The following SBSN variants were observed in gnomAD, a reference collection of about 807,000 sequenced individuals.
SBSN encodes suprabasin, also known as HLAR698.
In SBSN, 33 loss-of-function variants were observed where a neutral mutation model predicts 42.8. The ratio of observed to expected loss-of-function variants is 0.77; its 90% CI spans 0.58 to 1.03. The LOEUF (loss-of-function observed/expected upper bound fraction) is 1.03, where lower values mean the gene tolerates loss of function less well. Ranked by LOEUF, SBSN falls within the 50% of genes least tolerant of loss-of-function variation. SBSN has a pLI of 0.00. For synonymous variants in SBSN, 276 were observed against 307.0 expected (o/e 0.90, Z 1.06); for missense variants, 646 against 757.3 (o/e 0.85, Z 1.72).
rs1171944328 is a variant in SBSN, at chr19:35,526,688, T to A, written c.1594A>T (p.Asn532Tyr). The A allele has an allele frequency of 6.5e-7, 1 of 1,539,664 alleles. No individual in the cohort carries two copies. Among genetic ancestry groups the A allele is most frequent in the African/African-American group, 1.4e-5 (1 of 72,010 alleles). The stretch of plus-strand genomic sequence containing the variant: ...TCCTTGCTGGCTTGGTTGACCCCAT[T>A]ATGAGCATTCTGCAGCTCCTTCCCG... ...QAGKELQNAH[N>Y]GVNQASKEAN... Residue 532 changes from asparagine (N) to tyrosine (Y), a missense_variant, in exon 1 of 4, where the codon AAT (asparagine) becomes TAT (tyrosine). Asn to Tyr is a moderately radical substitution (Grantham distance 143, BLOSUM62 -2). Around this residue, in one of 3 missense-constraint regions of SBSN, gnomAD observed 236 missense variants for 225.6 expected, o/e 1.05. Transcript: ENST00000452271.
intron 3 of SBSN, 91 bp downstream of exon 3, chr19:35,524,620 G>A (rs568670376): frequency 3.0e-5 from 43 of 1,420,192 alleles, no homozygotes; most frequent in African/African-American, 5.6e-5. Flanking sequence ...CTGCCCGCCC[G>A]GGGAGCTGTC....
At chr19:35,525,344 A>C (rs2071358151) in intron 1 of SBSN, among the ~76,000 whole-genome samples, 1 of 151,934 alleles carries the variant, frequency 6.6e-6, no homozygotes, top group Admixed American at 6.6e-5. Context: ...CATGCACCCC[A>C]GCAGTGCCCC....
rs774871425 is a variant in SBSN, at chr19:35,528,169, C to T, written c.113G>A (p.Arg38Gln). The T allele has an allele frequency of 1.4e-5, 22 of 1,613,976 alleles. No individual in the cohort carries two copies. The Admixed American group carries it at 2.0e-4, about 15-fold the overall frequency. Residue 38 changes from arginine (R) to glutamine (Q), a missense_variant, in exon 1 of 4, where the codon CGA becomes CAA. This residue lies in a region of SBSN where 190 missense variants were observed against 197.1 expected (regional missense o/e 0.96). Coordinates refer to ENST00000452271, the MANE Select transcript of SBSN (RefSeq NM_001166034.2). ...CTCTCTCTCTGCATTGCTCAGCCCT[C>T]GGTTGATCCCTTCAATGACCTTCTC... ...PIEKVIEGINRGLSNAEREVG... is the reference protein window; with the variant it reads ...PIEKVIEGINQGLSNAEREVG...
rs1332693374 is a variant in SBSN at position 35,527,153 on chromosome 19, TA to T, written c.1128del (p.Asn377MetfsTer63). 1 of 1,532,858 alleles carries T rather than the reference TA, an allele frequency of 6.5e-7. No individual in the cohort carries two copies. Among genetic ancestry groups the T allele is most frequent in the Admixed American group, 2.0e-5 (1 of 50,456 alleles). The allele number at this position is 1,532,858 out of a possible 1,614,324, so 95.0% of individuals were successfully genotyped here. On this transcript the variant is annotated frameshift_variant, in exon 1 of 4. Coordinates refer to ENST00000452271, the MANE Select transcript of SBSN (RefSeq NM_001166034.2). LOFTEE classifies it high-confidence loss of function. ...TTCTCTGCTTCCTTCCAGGCCTCATTAACCCCATGGTGGACCCCATGGCCGA... is the reference window on the plus strand; with the variant it reads ...TTCTCTGCTTCCTTCCAGGCCTCATTACCCCATGGTGGACCCCATGGCCGA... ...EKLGHGVHHG[V>X]NEAWKEAEKF...
At chr19:35,524,275 C>A (rs778714411) in intron 3 of SBSN, among the ~76,000 whole-genome samples, 2 of 152,192 alleles carry the variant, frequency 1.3e-5, no homozygotes, top group South Asian at 2.1e-4. Context: ...GGTGACCTTG[C>A]ACCAGGGAGA....
At chr19:35,525,468 C>T (rs1256204848) in intron 1 of SBSN, among the ~76,000 whole-genome samples, 1 of 150,104 alleles carries the variant, frequency 6.7e-6, no homozygotes, top group East Asian at 2.0e-4. Context: ...CCCACCCACC[C>T]ATCCCTGGCT....
chr19:35,523,896 G>A (rs749011981), intron 3 of SBSN, among the ~76,000 whole-genome samples: 2 of 152,354 alleles, frequency 1.3e-5, no homozygotes, highest in Non-Finnish European at 2.9e-5. Context: ...GCAAAAAGAG[G>A]CTGGGTGCAG....
chr19:35,527,027 C>G lies in SBSN; in HGVS notation c.1255G>C (p.Ala419Pro), dbSNP rs540224250. 3.5e-5 allele frequency: 54 copies of G among 1,541,884 alleles called. No homozygotes were observed. The highest frequency in any genetic ancestry group is 1.2e-4 in the East Asian group (5 of 40,884). ...HHGVSQAGRE[A>P]GQFGHDIHHT... ...TGAATGTCGTGGCCAAACTGCCCCG[C>G]CTCCCTTCCAGCCTGACTAACGCCA... is the stretch of plus-strand genomic sequence containing the variant. Residue 419 changes from alanine (A) to proline (P), a missense_variant, in exon 1 of 4, where the codon GCG becomes CCG. Physicochemically the swap from Ala to Pro is conservative, Grantham distance 27. This residue lies in a region of SBSN where 236 missense variants were observed against 225.6 expected (regional missense o/e 1.05). Transcript: ENST00000452271.
At position 35,528,260 on chromosome 19, in the gene SBSN, C is replaced by T. The variant is rs79732514; in HGVS notation, c.22G>A (p.Gly8Ser). 1.8e-3 allele frequency: 2,868 copies of T among 1,611,634 alleles called. 47 individuals are homozygous for T. The African/African-American group carries it at 0.032, about 18-fold the overall frequency. MHLARLV[G>S]SCSLLLLLGA... Reference sequence around the variant, plus strand: ...AGTAGCAGAAGGAGGGAGCAGGAGCCGACCAGACGTGCAAGATGCATATTG... The same window carrying T: ...AGTAGCAGAAGGAGGGAGCAGGAGCTGACCAGACGTGCAAGATGCATATTG... Residue 8 changes from glycine (G) to serine (S), a missense_variant, in exon 1 of 4, where the codon GGC (glycine) becomes AGC (serine). By Grantham distance (56) the Gly-to-Ser change is moderately conservative. Around this residue, in one of 3 missense-constraint regions of SBSN, gnomAD observed 190 missense variants for 197.1 expected, o/e 0.96. Coordinates refer to ENST00000452271, the MANE Select transcript of SBSN (RefSeq NM_001166034.2).
chr19:35,525,494 T>C (rs957537833), intron 1 of SBSN, among the ~76,000 whole-genome samples: 3 of 123,564 alleles, frequency 2.4e-5, no homozygotes, highest in Non-Finnish European at 3.2e-5. Context: ...TGGCGGCAGA[T>C]GTGGCTCTGG....
In SBSN at chr19:35,524,953, A is replaced by G. The variant is rs376262632; in HGVS notation, c.1639-29T>C. 1.3e-4 allele frequency: 214 copies of G among 1,611,538 alleles called. No individual in the cohort carries two copies. The African/African-American group carries it at 2.8e-3, about 21-fold the overall frequency. ...TGGACAAAGCCCAGACTCTTGTTAC[A>G]ACCCCACAAACGCGGAGGGTCTCCC... On this transcript the variant is annotated intron_variant, in intron 1 of 3. Transcript: ENST00000452271.
At position 35,527,294 on chromosome 19, in the gene SBSN, C is replaced by T; in HGVS notation, c.988G>A (p.Gly330Arg). 1 of 1,533,110 alleles carries T rather than the reference C, an allele frequency of 6.5e-7. No homozygotes were observed. The highest frequency in any genetic ancestry group is 1.2e-5 in the South Asian group (1 of 83,730). The allele number at this position is 1,533,110 out of a possible 1,614,324, so 95.0% of individuals were successfully genotyped here. A position where few individuals can be genotyped will look rare whatever the true frequency, so the allele number is the denominator to read the frequency against. The change falls in exon 1 of 4, where the codon GGG (glycine) becomes AGG (arginine). Residue 330 changes from glycine to arginine, a missense_variant. Around this residue, in one of 3 missense-constraint regions of SBSN, gnomAD observed 220 missense variants for 334.5 expected, o/e 0.66. Coordinates refer to ENST00000452271, the MANE Select transcript of SBSN (RefSeq NM_001166034.2). The stretch of plus-strand genomic sequence containing the variant: ...TGGTGGACCCCCTGGCCAAACCTCC[C>T]AGCCTCATTTCCGGCCTGCCCCGCA... The part of the protein sequence containing the change: ...HAAGQAGNEA[G>R]RFGQGVHHGL...
Position 35,527,952 on chromosome 19 carries a change from CT to C in SBSN, c.329del (p.Lys110ArgfsTer24), listed in dbSNP as rs2071401656. 6.2e-7 allele frequency: 1 copy of C among 1,614,018 alleles called. No homozygotes were observed. Among genetic ancestry groups the C allele is most frequent in the Non-Finnish European group, 8.5e-7 (1 of 1,180,052 alleles). On this transcript the variant is annotated frameshift_variant, in exon 1 of 4. Coordinates refer to ENST00000452271, the MANE Select transcript of SBSN (RefSeq NM_001166034.2). LOFTEE classifies it high-confidence loss of function. Reference sequence around the variant, plus strand: ...CCCCATGGCCAAGCTTCTCTGCTTCCTTTCCTGCTTGTCCAATACCATGGTT... The same window carrying C: ...CCCCATGGCCAAGCTTCTCTGCTTCCTTCCTGCTTGTCCAATACCATGGTT... ...EINHGIGQAG[K>X]EAEKLGHGVN... is the part of the protein sequence containing the mutation.
chr19:35,527,132 C>T lies in SBSN; in HGVS notation c.1150G>A (p.Glu384Lys), dbSNP rs1160864011. 5 of 1,536,880 alleles carry T rather than the reference C, an allele frequency of 3.3e-6. No individual in the cohort carries two copies. Among genetic ancestry groups the T allele is most frequent in the Non-Finnish European group, 4.4e-6 (5 of 1,146,782 alleles). The change falls in exon 1 of 4, where the codon GAG becomes AAG. Residue 384 changes from glutamate (E) to lysine (K), a missense_variant. By Grantham distance (56) the Glu-to-Lys change is moderately conservative (BLOSUM62 1). This residue lies in a region of SBSN where 220 missense variants were observed against 334.5 expected (regional missense o/e 0.66). Transcript: ENST00000452271. ...HGVNEAWKEA[E>K]KFGQGVHHAA... Reference sequence around the variant, plus strand: ...TGGTGGACACCCTGGCCAAACTTCTCTGCTTCCTTCCAGGCCTCATTAACC... The same window carrying T: ...TGGTGGACACCCTGGCCAAACTTCTTTGCTTCCTTCCAGGCCTCATTAACC...
chr19:35,524,576 A>G, intron 3 of SBSN, 135 bp downstream of exon 3: 2 of 783,070 alleles, frequency 2.6e-6, no homozygotes, highest in Admixed American at 2.2e-5. Context: ...AGGACTGGGT[A>G]TCAGGTTGGA....
Position 35,526,792 on chromosome 19 carries a change from C to A in SBSN, c.1490G>T (p.Gly497Val), listed in dbSNP as rs1414669541. Residue 497 changes from glycine (G) to valine (V), a missense_variant, in exon 1 of 4, where the codon GGG becomes GTG. Physicochemically the swap from Gly to Val is moderately radical, Grantham distance 109 (BLOSUM62 -3). Around this residue, in one of 3 missense-constraint regions of SBSN, gnomAD observed 236 missense variants for 225.6 expected, o/e 1.05. Coordinates refer to ENST00000452271, the MANE Select transcript of SBSN (RefSeq NM_001166034.2). ...AGCCTGGTCAGCAGCATGGTTGACC[C>A]CTTGGCCAAGTTTCTCTGCTTCCTT... ...AGKEAEKLGQ[G>V]VNHAADQAGK... 2 of 1,613,816 alleles carry A rather than the reference C, an allele frequency of 1.2e-6. No homozygotes were observed. The highest frequency in any genetic ancestry group is 1.3e-5 in the African/African-American group (1 of 74,900).
intron 1 of SBSN, 46 bp downstream of exon 1, chr19:35,526,598 T>TCC: frequency 7.0e-6 from 2 of 284,146 alleles, no homozygotes; most frequent in Non-Finnish European, 1.3e-5. Context: ...AACCTTTCCC[T>TCC]CCCCCAACCC....
chr19:35,527,438 C>A lies in SBSN; in HGVS notation c.844G>T (p.Val282Phe). 1 of 1,583,142 alleles carries A rather than the reference C, an allele frequency of 6.3e-7. No individual in the cohort carries two copies. The highest frequency in any genetic ancestry group is 1.1e-5 in the South Asian group (1 of 89,576). ...CCAACCTGACCAGCAGTATGGTGGA[C>A]CCCCTGGCCAAACTTCTCTGTCTCC... is the stretch of plus-strand genomic sequence containing the variant. ...WKETEKFGQG[V>F]HHTAGQVGKE... The change falls in exon 1 of 4, where the codon GTC becomes TTC. Residue 282 changes from valine to phenylalanine, a missense_variant. Val to Phe is a conservative substitution (Grantham distance 50). Around this residue, in one of 3 missense-constraint regions of SBSN, gnomAD observed 220 missense variants for 334.5 expected, o/e 0.66. Coordinates refer to ENST00000452271, the MANE Select transcript of SBSN (RefSeq NM_001166034.2).
Position 35,523,599 on chromosome 19 carries a change from A to G in SBSN, c.1750-66T>C, listed in dbSNP as rs367944641. 497 of 1,527,364 alleles carry G rather than the reference A, an allele frequency of 3.3e-4. 2 individuals carry two copies. In the African/African-American group the frequency reaches 6.1e-3, roughly 19 times the overall value. 94.6% of individuals were successfully genotyped at this position (1,527,364 alleles called of 1,614,324 possible). The stretch of plus-strand genomic sequence containing the variant: ...CAGTCATGACGGGACCCGAGACCTC[A>G]GCCCCGCCCCTCGGGAGAAGCACAA... On this transcript the variant is annotated intron_variant, in intron 3 of 3. Coordinates refer to ENST00000452271, the MANE Select transcript of SBSN (RefSeq NM_001166034.2).
Sources: allele counts gnomAD v4.1 joint callset (sites outside exome capture counted in the v4.1 genomes callset), GRCh38; gene constraint gnomAD v4.1.1; regional missense constraint gnomAD v4.1.1; transcripts MANE v1.5; gene names NCBI Gene and HGNC (gene_info 2026-07-23, HGNC 2026-07-21).